The following ATRNL1 variants were observed in gnomAD, a reference collection of about 807,000 sequenced individuals.
ATRNL1 encodes the protein attractin-like protein 1.
Under a neutral mutation model 182.7 loss-of-function variants are expected in ATRNL1, and 95 were observed. The ratio of observed to expected loss-of-function variants is 0.52; its 90% confidence interval spans 0.44 to 0.62. The LOEUF is 0.62. Among genes scored for constraint, ATRNL1 ranks in the 20% least tolerant of loss-of-function variants. The pLI is 0.00. For missense variants in ATRNL1, 1,471 were observed against 1,679.5 expected (o/e 0.88, Z 2.17); for synonymous variants, 576 against 568.3 (o/e 1.01, Z -0.19).
chr10:115,108,996 TCTC>T (rs1412995062), intron 1 of ATRNL1, among the ~76,000 whole-genome samples: 1 of 152,132 alleles, frequency 6.6e-6, no homozygotes, highest in African/African-American at 2.4e-5. Context: ...CTGTCTGAGA[TCTC>T]CTCAGAGTTC....
intron 27 of ATRNL1, among the ~76,000 whole-genome samples, chr10:115,759,841 A>ATTTTTTTTTTTTTTTT (rs58578796): frequency 8.0e-5 from 5 of 62,684 alleles, no homozygotes; most frequent in African/African-American, 2.1e-4. Context: ...ACACCTGGCT[A>ATTTTTTTTTTTTTTTT]TTTTTTTTTT....
At chr10:115,312,732 A>G (rs1212358974) in intron 17 of ATRNL1, among the ~76,000 whole-genome samples, 1 of 152,144 alleles carries the variant, frequency 6.6e-6, no homozygotes, top group Non-Finnish European at 1.5e-5. Context: ...CTTTTACCTC[A>G]GGAACACCAG....
At chr10:115,153,923 T>C (rs1054771484) in intron 5 of ATRNL1, among the ~76,000 whole-genome samples, 35 of 151,960 alleles carry the variant, frequency 2.3e-4, no homozygotes, top group African/African-American at 7.7e-4. Flanking sequence ...TTTGTTCTCA[T>C]TGGTTTCAAG....
chr10:115,856,510 G>A (rs1187044687), intron 28 of ATRNL1, among the ~76,000 whole-genome samples: 1 of 143,954 alleles, frequency 6.9e-6, no homozygotes, highest in Non-Finnish European at 1.5e-5. Context: ...TTGAGTTACT[G>A]TAACCCTATA....
intron 9 of ATRNL1, among the ~76,000 whole-genome samples, chr10:115,233,436 G>GT (rs1363789508): frequency 6.6e-6 from 1 of 151,930 alleles, no homozygotes; most frequent in Non-Finnish European, 1.5e-5. Flanking sequence ...CTTTTTTAGC[G>GT]TTTTTTAAAT....
At chr10:115,509,652 G>A (rs575763890) in intron 24 of ATRNL1, among the ~76,000 whole-genome samples, 1 of 151,992 alleles carries the variant, frequency 6.6e-6, no homozygotes, top group South Asian at 2.1e-4. Context: ...ACAACCTGTG[G>A]GTCTATGAGC....
At chr10:115,728,446 G>T (rs1489726709) in intron 27 of ATRNL1, among the ~76,000 whole-genome samples, 5 of 151,780 alleles carry the variant, frequency 3.3e-5, no homozygotes, top group Non-Finnish European at 5.9e-5. Context: ...TAAGTAGAAA[G>T]GTTAAGAAAC....
At chr10:115,500,920 C>CTTTTTTTTTT (rs71010023) in intron 24 of ATRNL1, among the ~76,000 whole-genome samples, 3 of 54,464 alleles carry the variant, frequency 5.5e-5, no homozygotes, top group African/African-American at 1.6e-4. Flanking sequence ...TCAGGTAAGA[C>CTTTTTTTTTT]TTTTTTTTTT....
At chr10:115,453,775 C>T (rs1201306281) in intron 21 of ATRNL1, among the ~76,000 whole-genome samples, 1 of 129,870 alleles carries the variant, frequency 7.7e-6, no homozygotes, top group African/African-American at 3.0e-5. Flanking sequence ...GGAAGGGGAA[C>T]ATCACACTCT....
chr10:115,414,571 G>T (rs1845297677), intron 20 of ATRNL1, among the ~76,000 whole-genome samples: 1 of 151,792 alleles, frequency 6.6e-6, no homozygotes, highest in East Asian at 1.9e-4. Context: ...ACTACTTCCA[G>T]TATACTCAGA....
At chr10:115,330,506 G>A (rs1372944374) in intron 18 of ATRNL1, among the ~76,000 whole-genome samples, 1 of 151,900 alleles carries the variant, frequency 6.6e-6, no homozygotes, top group Non-Finnish European at 1.5e-5. Flanking sequence ...GTTTATCTGG[G>A]AATGTCTTTA....
intron 27 of ATRNL1, among the ~76,000 whole-genome samples, chr10:115,847,459 A>G (rs545766998): frequency 5.9e-5 from 9 of 152,232 alleles, no homozygotes; most frequent in African/African-American, 1.4e-4. Context: ...ATGTATATGT[A>G]TCTGTGTATG....
rs185687839 is a variant in ATRNL1, at chr10:115,272,441, C to A, written c.2100+3997C>A. The stretch of plus-strand genomic sequence containing the variant: ...TAAGGAACCCAAAGTGGCCAAGTGG[C>A]AGTCTTAATTTCCAATTCTATGGAA... On this transcript the variant is annotated intron_variant, in intron 13 of 28. Coordinates refer to ENST00000355044, the MANE Select transcript of ATRNL1 (RefSeq NM_207303.4). Among the ~76,000 whole-genome samples, 267 of 152,274 alleles carry A rather than the reference C, an allele frequency of 1.8e-3. 1 individual carries two copies. Among genetic ancestry groups the A allele is most frequent in the African/African-American group, 6.0e-3 (248 of 41,566 alleles).
At chr10:115,370,662 C>G (rs1349284785) in intron 19 of ATRNL1, among the ~76,000 whole-genome samples, 2 of 152,138 alleles carry the variant, frequency 1.3e-5, no homozygotes, top group Non-Finnish European at 2.9e-5. Context: ...GACTTGGGTG[C>G]TATTAAAGGC....
At chr10:115,169,828 G>A (rs1554885120) in intron 7 of ATRNL1, among the ~76,000 whole-genome samples, 1 of 151,924 alleles carries the variant, frequency 6.6e-6, no homozygotes, top group African/African-American at 2.4e-5. Flanking sequence ...ACAATGTTTT[G>A]TAATTTTCAG....
chr10:115,589,326 T>A (rs1855765912), intron 26 of ATRNL1, among the ~76,000 whole-genome samples: 1 of 152,306 alleles, frequency 6.6e-6, no homozygotes, highest in East Asian at 1.9e-4. Flanking sequence ...TACTCTTTGA[T>A]CAATAATCTT....
intron 21 of ATRNL1, among the ~76,000 whole-genome samples, chr10:115,440,525 A>G (rs565559692): frequency 6.6e-6 from 1 of 151,892 alleles, no homozygotes; most frequent in Non-Finnish European, 1.5e-5. Context: ...ATTCAAACTC[A>G]TTGAAATTTG....
At chr10:115,164,211 C>A (rs1432158501) in intron 6 of ATRNL1, among the ~76,000 whole-genome samples, 1 of 152,070 alleles carries the variant, frequency 6.6e-6, no homozygotes, top group Non-Finnish European at 1.5e-5. Context: ...GAAAAAAATA[C>A]GAATTTTCTT....
intron 26 of ATRNL1, among the ~76,000 whole-genome samples, chr10:115,707,361 G>A (rs937710289): frequency 2.6e-5 from 4 of 151,528 alleles, no homozygotes; most frequent in Non-Finnish European, 3.0e-5. Context: ...AACACTTTTT[G>A]TATTTCCCAG....
Sources: gnomAD v4.1 joint callset for allele counts (sites outside exome capture counted in the v4.1 genomes callset) on GRCh38, gnomAD v4.1.1 for gene constraint, MANE v1.5 for transcripts, NCBI Gene and HGNC (gene_info 2026-07-23, HGNC 2026-07-21) for gene names.